The following WWOX variants were observed in gnomAD, a reference collection of about 807,000 sequenced individuals.
WWOX encodes the protein WW domain-containing oxidoreductase.
In WWOX, 69 loss-of-function variants were observed where a neutral mutation model predicts 46.2. The ratio of observed to expected loss-of-function variants is 1.49; its 90% confidence interval spans 1.23 to 1.82. WWOX has a LOEUF of 1.82. Ranked by LOEUF, WWOX falls within the 40% of genes most tolerant of loss-of-function variation. The probability of loss-of-function intolerance (pLI) is 0.00; values close to 1 mark genes in which losing one functional copy is unlikely to be tolerated. For synonymous variants in WWOX, 359 were observed against 202.6 expected (o/e 1.77, Z -6.56); for missense variants, 919 against 542.6 (o/e 1.69, Z -6.89).
chr16:78,146,126 G>A (rs1048185156), intron 4 of WWOX, among the ~76,000 whole-genome samples: 11 of 152,022 alleles, frequency 7.2e-5, no homozygotes, highest in South Asian at 2.1e-4. Flanking sequence ...TTCTAGTTGC[G>A]CATGCTTCCA....
rs78158136 is a variant in WWOX, at chr16:78,363,905, C to T, written c.517-22955C>T. Reference sequence around the variant, plus strand: ...GAAGCCCAGCATGGAGACCCCAGGCCGTCTCTCCGCCATCTTGTTGTGATG... The same window carrying T: ...GAAGCCCAGCATGGAGACCCCAGGCTGTCTCTCCGCCATCTTGTTGTGATG... On this transcript the variant is annotated intron_variant, in intron 5 of 8. Coordinates refer to ENST00000566780, the MANE Select transcript of WWOX (RefSeq NM_016373.4). Among the ~76,000 whole-genome samples the T allele has an allele frequency of 3.6e-3, 548 of 152,282 alleles. 4 individuals carry two copies. Among genetic ancestry groups the T allele is most frequent in the African/African-American group, 0.012 (517 of 41,558 alleles).
At chr16:78,520,849 C>T (rs531429246) in intron 8 of WWOX, among the ~76,000 whole-genome samples, 11 of 152,060 alleles carry the variant, frequency 7.2e-5, no homozygotes, top group Non-Finnish European at 1.3e-4. Context: ...CTCAGGGGAG[C>T]CTTGGTTGTA....
intron 5 of WWOX, among the ~76,000 whole-genome samples, chr16:78,194,312 G>T (rs547880937): frequency 3.9e-5 from 6 of 152,050 alleles, no homozygotes; most frequent in Admixed American, 2.6e-4. Flanking sequence ...GATTGGCCGG[G>T]CGTGGTGTCT....
intron 8 of WWOX, chr16:78,896,315 G>C (rs749792664): frequency 1.3e-4 from 19 of 151,960 alleles, no homozygotes; most frequent in Non-Finnish European, 2.4e-4. Context: ...AAGGATTGTA[G>C]AATGACTGGC....
intron 5 of WWOX, among the ~76,000 whole-genome samples, chr16:78,254,953 A>T (rs191321355): frequency 6.6e-6 from 1 of 152,170 alleles, no homozygotes; most frequent in Non-Finnish European, 1.5e-5. Context: ...TCTGCCTGGT[A>T]TGGAGGGCTG....
intron 8 of WWOX, among the ~76,000 whole-genome samples, chr16:78,915,151 T>C (rs1375937177): frequency 6.6e-6 from 1 of 152,078 alleles, no homozygotes; most frequent in Admixed American, 6.6e-5. Flanking sequence ...AAAATTACTC[T>C]CCAGTTTTCT....
At chr16:78,483,889 G>A (rs1239435352) in intron 8 of WWOX, among the ~76,000 whole-genome samples, 3 of 152,112 alleles carry the variant, frequency 2.0e-5, no homozygotes, top group Non-Finnish European at 4.4e-5. Context: ...AACATCTTGT[G>A]GTCAACAGTG....
chr16:79,203,745 G>A (rs1049688682), intron 8 of WWOX: 2 of 152,168 alleles, frequency 1.3e-5, no homozygotes, highest in African/African-American at 4.8e-5. Context: ...TTTACCTGTA[G>A]TATGAAGATA....
At chr16:79,064,851 ATGT>A (rs999397861) in intron 8 of WWOX, among the ~76,000 whole-genome samples, 5 of 152,196 alleles carry the variant, frequency 3.3e-5, no homozygotes, top group African/African-American at 1.2e-4. Flanking sequence ...TGGCATTCTA[ATGT>A]TGTGTTGGAA....
chr16:78,554,427 C>T (rs144336636), intron 8 of WWOX, among the ~76,000 whole-genome samples: 1 of 152,214 alleles, frequency 6.6e-6, no homozygotes, highest in African/African-American at 2.4e-5. Context: ...TTTTAAGCTC[C>T]ATACAGTAAA....
intron 8 of WWOX, among the ~76,000 whole-genome samples, chr16:78,723,625 T>TCTTTTC (rs2048752207): frequency 2.8e-5 from 3 of 107,830 alleles, no homozygotes; most frequent in African/African-American, 1.1e-4. Context: ...TTCTTTTCTT[T>TCTTTTC]TCTTTTTTCT....
At chr16:79,211,074 A>G (rs1295257305) in intron 8 of WWOX, among the ~76,000 whole-genome samples, 2 of 133,542 alleles carry the variant, frequency 1.5e-5, no homozygotes, top group Non-Finnish European at 3.5e-5. Context: ...ATGTTTTAAC[A>G]CAACATTGCC....
chr16:78,130,761 C>T (rs978354658), intron 4 of WWOX, among the ~76,000 whole-genome samples: 1 of 152,216 alleles, frequency 6.6e-6, no homozygotes, highest in South Asian at 2.1e-4. Context: ...TTATTGACTA[C>T]TGAGTACCAG....
At chr16:78,672,256 G>A (rs1001685547) in intron 8 of WWOX, among the ~76,000 whole-genome samples, 7 of 152,128 alleles carry the variant, frequency 4.6e-5, no homozygotes, top group Admixed American at 2.0e-4. Context: ...GGTGATAACC[G>A]TAGCATAAAA....
At chr16:78,776,479 G>A (rs1053246783) in intron 8 of WWOX, among the ~76,000 whole-genome samples, 5 of 152,060 alleles carry the variant, frequency 3.3e-5, no homozygotes, top group African/African-American at 1.2e-4. Context: ...TAAATATGAC[G>A]ATACATAAAT....
chr16:78,988,082 C>T (rs1401606509), intron 8 of WWOX, among the ~76,000 whole-genome samples: 1 of 151,934 alleles, frequency 6.6e-6, no homozygotes, highest in Non-Finnish European at 1.5e-5. Flanking sequence ...GTGGGTCACG[C>T]CTGTAATACC....
chr16:78,905,143 C>T (rs545861889), intron 8 of WWOX, among the ~76,000 whole-genome samples: 124 of 152,256 alleles, frequency 8.1e-4, no homozygotes, highest in African/African-American at 2.8e-3. Context: ...TTGGAACTGA[C>T]CCTCTATGAG....
intron 8 of WWOX, among the ~76,000 whole-genome samples, chr16:79,055,537 C>T (rs950006479): frequency 1.3e-5 from 2 of 152,050 alleles, no homozygotes; most frequent in African/African-American, 4.8e-5. Flanking sequence ...CATTTGAGGC[C>T]CTAGATACTG....
chr16:78,661,334 A>G (rs554990175), intron 8 of WWOX, among the ~76,000 whole-genome samples: 33 of 152,114 alleles, frequency 2.2e-4, no homozygotes, highest in Non-Finnish European at 4.4e-4. Flanking sequence ...TTATGTTGCT[A>G]TTGTATCGTA....
Sources: allele counts gnomAD v4.1 joint callset (sites outside exome capture counted in the v4.1 genomes callset), GRCh38; gene constraint gnomAD v4.1.1; transcripts MANE v1.5; gene names NCBI Gene and HGNC (gene_info 2026-07-23, HGNC 2026-07-21).